Variants in TNPO1 observed in about 807,000 individuals in gnomAD.
The protein encoded by TNPO1 is transportin-1.
TNPO1 carries 8 observed loss-of-function variants against 119.5 expected under a neutral mutation model. The observed-to-expected ratio is 0.07, with a 90% CI of 0.04 to 0.12. TNPO1 has a LOEUF of 0.12. Among genes scored for constraint, TNPO1 ranks in the 10% least tolerant of loss-of-function variants. TNPO1 has a pLI of 1.00. For missense variants in TNPO1, 576 were observed against 1,089.8 expected (o/e 0.53, Z 6.64); for synonymous variants, 362 against 363.0 (o/e 1.00, Z 0.03).
Position 72,911,600 on chromosome 5 carries a change from T to G in TNPO1, c.*2927T>G, listed in dbSNP as rs1461815542. On this transcript the variant is annotated 3_prime_UTR_variant, in exon 25 of 25. Transcript: ENST00000337273. The stretch of plus-strand genomic sequence containing the variant: ...GCAACTTAATTCTTGTGGTGTAGTC[T>G]TAATAGTTTTGAATGTTGACTGAAT... 1.3e-5 allele frequency: 2 copies of G among 152,524 alleles called. No homozygotes were observed. Among genetic ancestry groups the G allele is most frequent in the African/African-American group, 4.8e-5 (2 of 41,432 alleles). 9.4% of individuals were successfully genotyped at this position (152,524 alleles called of 1,614,324 possible). A position where few individuals can be genotyped will look rare whatever the true frequency, so the allele number is the denominator to read the frequency against.
chr5:72,867,308 A>G (rs1746984192), intron 6 of TNPO1, among the ~76,000 whole-genome samples: 1 of 152,200 alleles, frequency 6.6e-6, no homozygotes, highest in African/African-American at 2.4e-5. Flanking sequence ...TGTATCATCC[A>G]TCTTTAATAT....
Position 72,857,997 on chromosome 5 carries a change from G to C in TNPO1, c.355+2074G>C, listed in dbSNP as rs1035478691. ...ACTTATGTAGGCATTTTTATTTCTT[G>C]CTGTGTATTAGTAGAATACGAAAGG... On this transcript the variant is annotated intron_variant, in intron 4 of 24. Transcript: ENST00000337273. 3.9e-5 allele frequency among the ~76,000 whole-genome samples: 6 copies of C among 152,256 alleles called. No homozygotes were observed. The East Asian group carries it at 1.2e-3, about 29-fold the overall frequency.
chr5:72,887,241 T>G lies in TNPO1; in HGVS notation c.1303+19T>G, dbSNP rs1428473439. 1 of 1,181,708 alleles carries G rather than the reference T, an allele frequency of 8.5e-7. No individual in the cohort carries two copies. Among genetic ancestry groups the G allele is most frequent in the Non-Finnish European group, 1.2e-6 (1 of 859,024 alleles). 73.2% of individuals were successfully genotyped at this position (1,181,708 alleles called of 1,614,324 possible). A position where few individuals can be genotyped will look rare whatever the true frequency, so the allele number is the denominator to read the frequency against. On this transcript the variant is annotated intron_variant, in intron 12 of 24. Transcript: ENST00000337273. ...GCTGAAGGTAAGCCTAAGTCCAGTT[T>G]GAATTATGTAAGTTGGCTTCTTACT... is the stretch of plus-strand genomic sequence containing the variant.
At chr5:72,882,834 C>A (rs1322553093) in intron 10 of TNPO1, among the ~76,000 whole-genome samples, 3 of 152,060 alleles carry the variant, frequency 2.0e-5, no homozygotes, top group Non-Finnish European at 4.4e-5. Context: ...CAGTGGAGGC[C>A]ATGTAGTTGG....
At chr5:72,888,356 T>A (rs2112443402) in intron 13 of TNPO1, 53 bp downstream of exon 13, 1 of 1,500,446 alleles carries the variant, frequency 6.7e-7, no homozygotes, top group South Asian at 1.2e-5. Flanking sequence ...AACTTAATTT[T>A]CAACCTTCTG....
At chr5:72,885,680 C>T (rs1269406059) in intron 11 of TNPO1, among the ~76,000 whole-genome samples, 2 of 149,922 alleles carry the variant, frequency 1.3e-5, no homozygotes, top group African/African-American at 2.4e-5. Flanking sequence ...TAACTAAGAT[C>T]CTTATTGATG....
intron 2 of TNPO1, 54 bp downstream of exon 2, chr5:72,848,552 C>T: frequency 8.4e-7 from 1 of 1,190,884 alleles, no homozygotes; most frequent in Non-Finnish European, 1.1e-6. Context: ...GCGCTGCGGC[C>T]CAGCCCCCGG....
chr5:72,905,525 A>G (rs1257939325), intron 24 of TNPO1, 80 bp downstream of exon 24: 1 of 631,770 alleles, frequency 1.6e-6, no homozygotes, highest in African/African-American at 1.9e-5. Flanking sequence ...TAAATAGAAT[A>G]AAAAGCTATT....
chr5:72,849,622 T>TA (rs1255184271), intron 2 of TNPO1, among the ~76,000 whole-genome samples: 1 of 152,168 alleles, frequency 6.6e-6, no homozygotes, highest in Non-Finnish European at 1.5e-5. Context: ...AATTAGTACT[T>TA]ACCTTCTTGG....
intron 12 of TNPO1, 49 bp downstream of exon 12, chr5:72,887,271 T>G: frequency 8.6e-7 from 1 of 1,156,606 alleles, no homozygotes; most frequent in Non-Finnish European, 1.2e-6. Flanking sequence ...CTTACTACTA[T>G]TAGGTACTAA....
chr5:72,894,077 T>C (rs1395472793), intron 18 of TNPO1, among the ~76,000 whole-genome samples: 1 of 152,212 alleles, frequency 6.6e-6, no homozygotes, highest in Non-Finnish European at 1.5e-5. Context: ...TTTTCTTCTC[T>C]AGCAAACCAG....
At chr5:72,842,780 T>C (rs1339624950) in intron 1 of TNPO1, among the ~76,000 whole-genome samples, 1 of 152,216 alleles carries the variant, frequency 6.6e-6, no homozygotes, top group African/African-American at 2.4e-5. Flanking sequence ...TCCTTCCCCA[T>C]GTCTAGGAGG....
At chr5:72,882,919 A>G in intron 10 of TNPO1, 145 bp from the exon 11 acceptor site, 1 of 667,230 alleles carries the variant, frequency 1.5e-6, no homozygotes, top group Non-Finnish European at 2.7e-6. Flanking sequence ...TGTTCTGTAC[A>G]TGGGCGTGGT....
intron 11 of TNPO1, 61 bp downstream of exon 11, chr5:72,883,293 T>C: frequency 1.3e-6 from 1 of 778,256 alleles, no homozygotes; most frequent in Non-Finnish European, 2.3e-6. Flanking sequence ...TGGGGTATAA[T>C]TCATCTACTG....
chr5:72,858,371 A>C (rs1285253535), intron 4 of TNPO1, among the ~76,000 whole-genome samples: 1 of 152,200 alleles, frequency 6.6e-6, no homozygotes, highest in African/African-American at 2.4e-5. Context: ...TAACTAGATA[A>C]AACAGCTATG....
intron 1 of TNPO1, among the ~76,000 whole-genome samples, chr5:72,832,297 TTTA>T (rs1160401077): frequency 6.6e-6 from 1 of 152,168 alleles, no homozygotes; most frequent in Non-Finnish European, 1.5e-5. Flanking sequence ...AAACCATTAC[TTTA>T]TTATTACATT....
chr5:72,864,800 G>C (rs1396434725), intron 5 of TNPO1, among the ~76,000 whole-genome samples: 1 of 151,790 alleles, frequency 6.6e-6, no homozygotes, highest in Non-Finnish European at 1.5e-5. Flanking sequence ...GTAGAGACAG[G>C]GTTTCACCAT....
intron 1 of TNPO1, among the ~76,000 whole-genome samples, chr5:72,826,548 T>TA (rs1353484802): frequency 1.3e-5 from 2 of 152,312 alleles, no homozygotes; most frequent in Middle Eastern, 3.4e-3. Flanking sequence ...ATCTGCAAGA[T>TA]ACAGATACAG....
At chr5:72,833,904 A>G (rs890016883) in intron 1 of TNPO1, among the ~76,000 whole-genome samples, 4 of 152,180 alleles carry the variant, frequency 2.6e-5, no homozygotes, top group Non-Finnish European at 5.9e-5. Flanking sequence ...AGTCTATCAT[A>G]TGACATTAGT....
Sources: allele counts gnomAD v4.1 joint callset (sites outside exome capture counted in the v4.1 genomes callset), GRCh38; gene constraint gnomAD v4.1.1; transcripts MANE v1.5; gene names NCBI Gene and HGNC (gene_info 2026-07-23, HGNC 2026-07-21).